The following WASHC4 variants were observed in gnomAD, a reference collection of about 807,000 sequenced individuals.
WASHC4 encodes WASH complex subunit 4.
WASHC4 carries 86 observed loss-of-function variants against 166.6 expected under a neutral mutation model. The observed-to-expected ratio is 0.52, with a 90% CI of 0.43 to 0.62. The LOEUF (loss-of-function observed/expected upper bound fraction) is 0.62, where lower values mean the gene tolerates loss of function less well. Ranked by LOEUF, WASHC4 falls within the 20% of genes least tolerant of loss-of-function variation. WASHC4 has a pLI of 0.00. For missense variants in WASHC4, 1,262 were observed against 1,382.4 expected (o/e 0.91, Z 1.38); for synonymous variants, 446 against 451.6 (o/e 0.99, Z 0.16).
chr12:105,137,271 A>C (rs1882411850), intron 14 of WASHC4, among the ~76,000 whole-genome samples: 1 of 152,130 alleles, frequency 6.6e-6, no homozygotes, highest in Non-Finnish European at 1.5e-5. Flanking sequence ...ATAGAAGGGG[A>C]GGGAGAATCT....
chr12:105,165,224 A>G (rs1884735429), intron 32 of WASHC4, among the ~76,000 whole-genome samples: 1 of 152,218 alleles, frequency 6.6e-6, no homozygotes, highest in South Asian at 2.1e-4. Flanking sequence ...GACTCAGGCA[A>G]TATAGCCATA....
intron 25 of WASHC4, 88 bp from the exon 26 acceptor site, chr12:105,152,255 A>G: frequency 1.4e-6 from 1 of 714,156 alleles, no homozygotes; most frequent in East Asian, 2.7e-5. Context: ...CAAAATTGAA[A>G]GGAGAGTAGT....
chr12:105,139,415 A>ATATGTGTGTGTGTGTGTGTGTG (rs1555236316), intron 15 of WASHC4, among the ~76,000 whole-genome samples: 2 of 94,426 alleles, frequency 2.1e-5, no homozygotes, highest in African/African-American at 4.4e-5. Flanking sequence ...GACTATATAT[A>ATATGTGTGTGTGTGTGTGTGTG]TGTGTGTGTG....
intron 9 of WASHC4, among the ~76,000 whole-genome samples, 196 bp from the exon 10 acceptor site, chr12:105,121,922 A>G (rs1250427639): frequency 6.6e-6 from 1 of 152,162 alleles, no homozygotes; most frequent in Admixed American, 6.5e-5. Flanking sequence ...GTATGTACAG[A>G]TTATGAGGCA....
intron 14 of WASHC4, among the ~76,000 whole-genome samples, chr12:105,136,021 C>T (rs1057047181): frequency 1.8e-4 from 28 of 151,934 alleles, no homozygotes; most frequent in African/African-American, 6.3e-4. Flanking sequence ...TTTGTATTTG[C>T]TTTTGTACAC....
At chr12:105,135,026 G>T (rs1196814) in intron 14 of WASHC4, among the ~76,000 whole-genome samples, 55,782 of 151,558 alleles carry the variant, frequency 0.37, 11,186 homozygotes, top group Middle Eastern at 0.54. Context: ...TGCTCATTTA[G>T]CTCTAATGTA....
intron 11 of WASHC4, 41 bp from the exon 12 acceptor site, chr12:105,126,194 G>C (rs895664904): frequency 1.2e-6 from 2 of 1,611,926 alleles, no homozygotes; most frequent in Non-Finnish European, 1.7e-6. Flanking sequence ...CATAATTGAA[G>C]TATATTTGTT....
chr12:105,144,521 A>G, intron 21 of WASHC4, 66 bp downstream of exon 21: 2 of 1,410,810 alleles, frequency 1.4e-6, no homozygotes, highest in Middle Eastern at 1.9e-4. Flanking sequence ...CCTACTGTTA[A>G]ACAAAACTTT....
rs548839469 is a variant in WASHC4, at chr12:105,166,934, C to G, written c.*3C>G. ...CTGCTGATCCTGTTGTGAAATGATA[C>G]GGATGGTATTCACTGCACATATGAT... On this transcript the variant is annotated 3_prime_UTR_variant, in exon 33 of 33. Coordinates refer to ENST00000332180, the MANE Select transcript of WASHC4 (RefSeq NM_015275.3). 1.3e-6 allele frequency: 2 copies of G among 1,583,226 alleles called. No individual in the cohort carries two copies. The highest frequency in any genetic ancestry group is 1.3e-5 in the African/African-American group (1 of 74,542).
At chr12:105,161,104 A>G (rs1884468824) in intron 29 of WASHC4, among the ~76,000 whole-genome samples, 1 of 152,210 alleles carries the variant, frequency 6.6e-6, no homozygotes, top group African/African-American at 2.4e-5. Flanking sequence ...AGATAGCTTT[A>G]AAATCTAAAT....
At chr12:105,148,323 A>G (rs2135811559) in intron 24 of WASHC4, 1 of 985,298 alleles carries the variant, frequency 1.0e-6, no homozygotes, top group African/African-American at 1.7e-5. Context: ...TTGAGAGTAA[A>G]CTCTTCCTTG....
chr12:105,136,927 G>T (rs1320762085), intron 14 of WASHC4, among the ~76,000 whole-genome samples: 1 of 152,126 alleles, frequency 6.6e-6, no homozygotes, highest in Non-Finnish European at 1.5e-5. Context: ...GTGAGCCACT[G>T]TTTCCGATGG....
intron 28 of WASHC4, 111 bp from the exon 29 acceptor site, chr12:105,159,890 T>TTCTAAGTTTTTCCTGCTTTTC (rs1264485700): frequency 3.1e-6 from 3 of 974,176 alleles, no homozygotes; most frequent in Non-Finnish European, 4.8e-6. Context: ...TAGAAGTGTC[T>TTCTAAGTTTTTCCTGCTTTTC]TACAGTGTTT....
At chr12:105,125,954 A>G (rs1171400759) in intron 10 of WASHC4, 50 bp from the exon 11 acceptor site, 3 of 1,559,230 alleles carry the variant, frequency 1.9e-6, no homozygotes, top group South Asian at 2.2e-5. Context: ...TAAATGTTTA[A>G]TCGTTTATTA....
In WASHC4 at chr12:105,143,113, A is replaced by G. The variant is rs760794249; in HGVS notation, c.1894-14A>G. 1.9e-6 allele frequency: 3 copies of G among 1,540,148 alleles called. No individual in the cohort carries two copies. On this transcript the variant is annotated splice_polypyrimidine_tract_variant and intron_variant, in intron 19 of 32. Coordinates refer to ENST00000332180, the MANE Select transcript of WASHC4 (RefSeq NM_015275.3). ...GTTTTTCTAAATTCATGTACATTTT[A>G]ATTTTCTTCTTAGTACATGTTCAGT...
intron 22 of WASHC4, among the ~76,000 whole-genome samples, chr12:105,145,430 A>ATATTTACCAAAAAACATT (rs1485054566): frequency 7.2e-5 from 11 of 152,152 alleles, no homozygotes; most frequent in African/African-American, 2.6e-4. Context: ...GATCCAGATA[A>ATATTTACCAAAAAACATT]TATTTACCAA....
intron 26 of WASHC4, chr12:105,155,188 A>G (rs932028471): frequency 1.3e-5 from 2 of 152,266 alleles, no homozygotes; most frequent in Non-Finnish European, 2.9e-5. Flanking sequence ...GTGGGGGAAG[A>G]TGCAGACAGA....
At chr12:105,156,177 A>G (rs753062801) in intron 26 of WASHC4, among the ~76,000 whole-genome samples, 2 of 152,222 alleles carry the variant, frequency 1.3e-5, no homozygotes, top group African/African-American at 2.4e-5. Context: ...GAAAGGATAG[A>G]ATTGCCAGTT....
rs184586462 is a variant in WASHC4 at position 105,166,137 on chromosome 12, A to G, written c.3455-727A>G. 4.1e-3 allele frequency among the ~76,000 whole-genome samples: 629 copies of G among 152,336 alleles called. 4 individuals are homozygous for G. Among genetic ancestry groups the G allele is most frequent in the Non-Finnish European group, 6.5e-3 (440 of 68,034 alleles). ...GCAGTGGGATTCCTTGCTTTGGCCTATTCCTCTTAAGGAACTCTCCAGAGT... is the reference window on the plus strand; with the variant it reads ...GCAGTGGGATTCCTTGCTTTGGCCTGTTCCTCTTAAGGAACTCTCCAGAGT... On this transcript the variant is annotated intron_variant, in intron 32 of 32. Transcript: ENST00000332180.
Sources: gnomAD v4.1 joint callset for allele counts (sites outside exome capture counted in the v4.1 genomes callset) on GRCh38, gnomAD v4.1.1 for gene constraint, MANE v1.5 for transcripts, NCBI Gene and HGNC (gene_info 2026-07-23, HGNC 2026-07-21) for gene names.